AFF3: variants seen among roughly 807,000 people sequenced by gnomAD.
AFF3 encodes AF4/FMR2 family member 3.
A neutral mutation model predicts 129.7 loss-of-function variants in AFF3; 32 were observed. The observed-to-expected ratio is 0.25, with a 90% CI of 0.19 to 0.33. AFF3 has a LOEUF of 0.33. Among genes scored for constraint, AFF3 ranks in the 10% least tolerant of loss-of-function variants. The pLI is 1.00. For missense variants in AFF3, 1,373 were observed against 1,592.0 expected, an observed-to-expected ratio of 0.86 and a Z score of 2.34; for synonymous variants, 644 against 635.4, an observed-to-expected ratio of 1.01 and a Z score of -0.20.
At position 99,727,119 on chromosome 2, in the gene AFF3, T is replaced by C. The variant is rs200553229; in HGVS notation, c.1049A>G (p.Asp350Gly). 6.2e-7 allele frequency: 1 copy of C among 1,610,216 alleles called. No individual in the cohort carries two copies. Among genetic ancestry groups the C allele is most frequent in the Admixed American group, 1.7e-5 (1 of 59,134 alleles). Residue 350 changes from aspartate to glycine, a missense_variant, in exon 11 of 25, where the codon GAT becomes GGT. Coordinates refer to ENST00000672756, the MANE Select transcript of AFF3 (RefSeq NM_001386135.1). ...ATTGTCTGGACTCTCTGGCTCTGCA[T>C]CACCTTTCTCTTAAAAAGGAAGCAG... ...SSGHNNPKKG[D>G]AEPESPDNGT...
chr2:99,633,921 T>G (rs568258476), intron 13 of AFF3, among the ~76,000 whole-genome samples: 16 of 144,740 alleles, frequency 1.1e-4, no homozygotes, highest in African/African-American at 4.1e-4. Context: ...TTTTTTTTTT[T>G]TTTTTTTTTT....
intron 7 of AFF3, among the ~76,000 whole-genome samples, chr2:99,916,834 G>A (rs1260399943): frequency 6.6e-6 from 1 of 152,038 alleles, no homozygotes; most frequent in African/African-American, 2.4e-5. Context: ...GGAAGGCTGT[G>A]ACCGAATCTC....
chr2:99,684,307 C>T (rs917903997), intron 11 of AFF3, among the ~76,000 whole-genome samples: 1 of 152,210 alleles, frequency 6.6e-6, no homozygotes, highest in African/African-American at 2.4e-5. Context: ...GACCATCTGG[C>T]TCCTGTGATT....
intron 2 of AFF3, chr2:100,106,969 T>C: frequency 1.0e-6 from 1 of 985,458 alleles, no homozygotes; most frequent in Non-Finnish European, 1.2e-6. Context: ...CAGATTTACG[T>C]TTGAATTTAA....
At chr2:99,917,977 A>G (rs1695589620) in intron 7 of AFF3, among the ~76,000 whole-genome samples, 1 of 152,210 alleles carries the variant, frequency 6.6e-6, no homozygotes, top group South Asian at 2.1e-4. Flanking sequence ...AAATTCTTAT[A>G]GGCCTGAATG....
chr2:99,791,263 T>C (rs1040174087), intron 8 of AFF3, among the ~76,000 whole-genome samples: 2 of 152,216 alleles, frequency 1.3e-5, no homozygotes, highest in African/African-American at 2.4e-5. Context: ...GGATTGGTTC[T>C]AGGACCCCTG....
In AFF3 at chr2:99,601,584, G is replaced by C. The variant is rs1208641296; in HGVS notation, c.1222C>G (p.Pro408Ala). 1.3e-6 allele frequency: 2 copies of C among 1,598,884 alleles called. No homozygotes were observed. The highest frequency in any genetic ancestry group is 1.3e-5 in the African/African-American group (1 of 75,008). The change falls in exon 14 of 25, where the codon CCT (proline) becomes GCT (alanine). Residue 408 changes from proline (P) to alanine (A), a missense_variant. Physicochemically the swap from Pro to Ala is conservative, Grantham distance 27 (BLOSUM62 -1). Around this residue, in one of 9 missense-constraint regions of AFF3, gnomAD observed 413 missense variants for 424.4 expected, o/e 0.97. Transcript: ENST00000672756. ...CTGCTGCTGCTGCCCTTGCTGGAAG[G>C]CACCGAGGTTCTGCAGTTGGGCTGC... is the stretch of plus-strand genomic sequence containing the variant. ...VQQPNCRTSVPSSKGSSSSSS... is the reference protein window; with the variant it reads ...VQQPNCRTSVASSKGSSSSSS...
intron 4 of AFF3, among the ~76,000 whole-genome samples, chr2:100,027,866 T>A (rs913313132): frequency 1.3e-5 from 2 of 152,228 alleles, no homozygotes; most frequent in Admixed American, 1.3e-4. Context: ...TTAATATTAA[T>A]GTTAAGCATA....
chr2:100,083,383 T>A (rs1378231606), intron 4 of AFF3, among the ~76,000 whole-genome samples: 1 of 152,178 alleles, frequency 6.6e-6, no homozygotes. Context: ...AACCATGGCC[T>A]GCATTGTGCT....
chr2:100,006,576 C>T, intron 7 of AFF3, 56 bp downstream of exon 7: 2 of 1,511,152 alleles, frequency 1.3e-6, no homozygotes, highest in Middle Eastern at 1.8e-4. Context: ...TCACGAGGGT[C>T]AAATTGTCAC....
chr2:99,768,673 A>C (rs1195772050), intron 8 of AFF3, among the ~76,000 whole-genome samples: 1 of 152,148 alleles, frequency 6.6e-6, no homozygotes, highest in East Asian at 1.9e-4. Flanking sequence ...TTCTTATACG[A>C]CAGGTCTGGT....
Position 99,593,397 on chromosome 2 carries a change from G to A in AFF3, c.2264C>T (p.Ser755Phe). 1 of 1,614,004 alleles carries A rather than the reference G, an allele frequency of 6.2e-7. No individual in the cohort carries two copies. Among genetic ancestry groups the A allele is most frequent in the Non-Finnish European group, 8.5e-7 (1 of 1,180,008 alleles). Residue 755 changes from serine to phenylalanine, a missense_variant, in exon 15 of 25, where the codon TCC becomes TTC. Physicochemically the swap from Ser to Phe is radical, Grantham distance 155 (BLOSUM62 -2). Around this residue, in one of 9 missense-constraint regions of AFF3, gnomAD observed 466 missense variants for 505.0 expected, o/e 0.92. Coordinates refer to ENST00000672756, the MANE Select transcript of AFF3 (RefSeq NM_001386135.1). ...GATCTCATCACTGTCCTTTAGAGGG[G>A]AGAGAAGTTCGTTCCGGCCAAAGGG... ...LVPFGRNELL[S>F]PLKDSDEIRS...
intron 8 of AFF3, among the ~76,000 whole-genome samples, chr2:99,789,613 C>A (rs1273295781): frequency 1.3e-5 from 2 of 152,128 alleles, no homozygotes; most frequent in African/African-American, 4.8e-5. Flanking sequence ...GATTAACCTG[C>A]ATGGATGGCA....
At chr2:100,080,777 T>C (rs1039729129) in intron 4 of AFF3, among the ~76,000 whole-genome samples, 32 of 152,078 alleles carry the variant, frequency 2.1e-4, no homozygotes, top group African/African-American at 7.7e-4. Flanking sequence ...CTAAAAAAGA[T>C]GGCTCTCAAG....
chr2:99,710,441 G>A (rs1242069706), intron 11 of AFF3, among the ~76,000 whole-genome samples: 3 of 152,130 alleles, frequency 2.0e-5, no homozygotes, highest in Non-Finnish European at 2.9e-5. Context: ...ATTTTTAGTA[G>A]AGATGGGGTT....
intron 11 of AFF3, chr2:99,707,378 T>C (rs1172409210): frequency 3.0e-6 from 3 of 985,212 alleles, no homozygotes; most frequent in African/African-American, 3.5e-5. Flanking sequence ...TCATGCTTCA[T>C]GGGAGAAATG....
rs1674730174 is a variant in AFF3, at chr2:99,554,478, C to T, written c.3392G>A (p.Gly1131Glu). 1.2e-6 allele frequency: 2 copies of T among 1,613,916 alleles called. No homozygotes were observed. Among genetic ancestry groups the T allele is most frequent in the Non-Finnish European group, 1.7e-6 (2 of 1,180,008 alleles). The change falls in exon 24 of 25, where the codon GGG becomes GAG. Residue 1131 changes from glycine (G) to glutamate (E), a missense_variant. By Grantham distance (98) the Gly-to-Glu change is moderately conservative. This residue lies in a region of AFF3 where 165 missense variants were observed against 234.0 expected (regional missense o/e 0.71). Transcript: ENST00000672756. ...GGCGTTGGAGAGGCTGCCCTGAGAC[C>T]CCACGGAGCTGGCGGGAGAGGGGTT... ...SPNPSPASSV[G>E]SQGSLSNASA... is the part of the protein sequence containing the mutation.
rs1042405970 is a variant in AFF3 at position 99,608,251 on chromosome 2, T to C, written c.1185-6630A>G. Among the ~76,000 whole-genome samples the C allele has an allele frequency of 2.6e-5, 4 of 152,314 alleles. No individual in the cohort carries two copies. The South Asian group carries it at 8.3e-4, about 32-fold the overall frequency. On this transcript the variant is annotated intron_variant, in intron 13 of 24. Transcript: ENST00000672756. ...TTTCTCCCTTTTTCCTTTGAGTTAC[T>C]GTTACCTCCTACTCCCTCTGCAGGA...
At chr2:99,770,371 C>G (rs1323271348) in intron 8 of AFF3, among the ~76,000 whole-genome samples, 1 of 152,204 alleles carries the variant, frequency 6.6e-6, no homozygotes, top group Non-Finnish European at 1.5e-5. Context: ...GGGACTCACC[C>G]TTCAGGGCAG....
Sources: allele counts gnomAD v4.1 joint callset (sites outside exome capture counted in the v4.1 genomes callset), GRCh38; gene constraint gnomAD v4.1.1; regional missense constraint gnomAD v4.1.1; transcripts MANE v1.5; gene names NCBI Gene and HGNC (gene_info 2026-07-23, HGNC 2026-07-21).